The following PCDHGA3 variants were observed in gnomAD, a reference collection of about 807,000 sequenced individuals.
PCDHGA3 encodes protocadherin gamma-A3.
A neutral mutation model predicts 58.5 loss-of-function variants in PCDHGA3; 40 were observed. The observed-to-expected ratio is 0.68, with a 90% CI of 0.53 to 0.89. The LOEUF is 0.89. Among genes scored for constraint, PCDHGA3 ranks in the 40% least tolerant of loss-of-function variants. PCDHGA3 has a pLI of 0.00. For synonymous variants in PCDHGA3, 530 were observed against 525.7 expected (o/e 1.01, Z -0.11); for missense variants, 1,223 against 1,195.9 (o/e 1.02, Z -0.33).
At position 141,344,780 on chromosome 5, in the gene PCDHGA3, GA is replaced by G; in HGVS notation, c.748del (p.Ser250ValfsTer15). ...PMFTQPEYRVSVWENVPVGTR... is the reference protein window; with the variant it reads ...PMFTQPEYRVXVWENVPVGTR... ...TGTTTACTCAGCCTGAGTACCGTGT[GA>G]GTGTTTGGGAGAACGTGCCTGTGGG... On this transcript the variant is annotated frameshift_variant, in exon 1 of 4. Coordinates refer to ENST00000253812, the MANE Select transcript of PCDHGA3 (RefSeq NM_018916.4). LOFTEE classifies it high-confidence loss of function. 1.9e-6 allele frequency: 3 copies of G among 1,614,016 alleles called. No individual in the cohort carries two copies. Among genetic ancestry groups the G allele is most frequent in the Non-Finnish European group, 2.5e-6 (3 of 1,179,902 alleles).
At chr5:141,349,986 C>CT (rs1758385156) in intron 1 of PCDHGA3, 2 of 313,962 alleles carry the variant, frequency 6.4e-6, no homozygotes, top group East Asian at 5.2e-5. Context: ...AGAGGTTGCG[C>CT]TTTGAGGATA....
rs775081505 is a variant in PCDHGA3 at position 141,486,730 on chromosome 5, T to C, written c.2425-8077T>C. ...ACCCCCAGACAGGAGCTGTTCATGC[T>C]ACTCGATCCTTTGACTATGAGCAAA... On this transcript the variant is annotated intron_variant, in intron 1 of 3. Coordinates refer to ENST00000253812, the MANE Select transcript of PCDHGA3 (RefSeq NM_018916.4). This position sits in a 1 kb window ranked among gnomAD's most constrained non-coding sequence, Gnocchi z 5.0. 1 of 1,614,120 alleles carries C rather than the reference T, an allele frequency of 6.2e-7. No homozygotes were observed. Among genetic ancestry groups the C allele is most frequent in the Non-Finnish European group, 8.5e-7 (1 of 1,180,050 alleles).
At chr5:141,389,355 G>C in intron 1 of PCDHGA3, 2 of 1,613,950 alleles carry the variant, frequency 1.2e-6, no homozygotes, top group Non-Finnish European at 1.7e-6. Flanking sequence ...CTGCATCATG[G>C]CCAGTGACCT....
At chr5:141,346,874 C>T (rs922765948) in intron 1 of PCDHGA3, among the ~76,000 whole-genome samples, 1 of 152,174 alleles carries the variant, frequency 6.6e-6, no homozygotes, top group African/African-American at 2.4e-5. Context: ...GTTTGTCATT[C>T]CAACCTGTAT....
In PCDHGA3 at chr5:141,410,849, CTTTTTTT is replaced by C. The variant is rs759346998; in HGVS notation, c.2424+64408_2424+64414del. 8.7e-3 allele frequency: 1,205 copies of C among 138,184 alleles called. 49 individuals are homozygous for C. Among genetic ancestry groups the C allele is most frequent in the African/African-American group, 0.064 (1,073 of 16,650 alleles). 8.6% of individuals were successfully genotyped at this position (138,184 alleles called of 1,614,324 possible). ...CAGACTGAAGATATTTTGTCTTTGT[CTTTTTTT>C]TTTTTTTTTTTTTTTGAGATGGAGT... is the stretch of plus-strand genomic sequence containing the variant. On this transcript the variant is annotated intron_variant, in intron 1 of 3. Coordinates refer to ENST00000253812, the MANE Select transcript of PCDHGA3 (RefSeq NM_018916.4).
At chr5:141,414,338 G>C in intron 1 of PCDHGA3, 1 of 1,613,832 alleles carries the variant, frequency 6.2e-7, no homozygotes, top group Non-Finnish European at 8.5e-7. Context: ...CAGGTAACCT[G>C]TTCCATTTTG....
intron 1 of PCDHGA3, chr5:141,352,656 C>G (rs372258212): frequency 6.4e-5 from 102 of 1,597,586 alleles, no homozygotes; most frequent in Non-Finnish European, 8.3e-5. Context: ...TATGACCCTT[C>G]TTTGTCTTCG....
intron 1 of PCDHGA3, among the ~76,000 whole-genome samples, chr5:141,353,062 T>C (rs1005254102): frequency 6.6e-6 from 1 of 152,162 alleles, no homozygotes; most frequent in Non-Finnish European, 1.5e-5. Flanking sequence ...TTTCTTTCAT[T>C]GTTCTAGTGA....
chr5:141,428,436 A>G (rs922762798), intron 1 of PCDHGA3: 5 of 401,736 alleles, frequency 1.2e-5, no homozygotes, highest in Non-Finnish European at 2.3e-5. Flanking sequence ...CTAAGACTAG[A>G]CCAGGGGTTT....
chr5:141,492,359 C>A (rs1292383129), intron 1 of PCDHGA3, among the ~76,000 whole-genome samples: 3 of 152,336 alleles, frequency 2.0e-5, no homozygotes, highest in African/African-American at 7.2e-5. Flanking sequence ...GCCACTCGCT[C>A]GCGGCCAGAT....
intron 1 of PCDHGA3, chr5:141,413,903 C>T (rs1038159413): frequency 2.5e-6 from 4 of 1,613,308 alleles, no homozygotes; most frequent in Non-Finnish European, 3.4e-6. Flanking sequence ...AATGACAACG[C>T]GCCGGTCTTC....
intron 1 of PCDHGA3, chr5:141,427,965 C>T: frequency 6.3e-7 from 1 of 1,590,342 alleles, no homozygotes; most frequent in Non-Finnish European, 8.6e-7. Flanking sequence ...GCCGCGGGTG[C>T]TGTACCCCGC....
At chr5:141,385,158 T>C in intron 1 of PCDHGA3, 2 of 1,614,212 alleles carry the variant, frequency 1.2e-6, no homozygotes, top group African/African-American at 2.7e-5. Context: ...TGCAGACCTA[T>C]TCCCATGAGG....
intron 1 of PCDHGA3, chr5:141,360,390 T>C (rs1484817682): frequency 1.2e-6 from 2 of 1,613,882 alleles, no homozygotes; most frequent in Non-Finnish European, 1.7e-6. Flanking sequence ...GAGACTTACT[T>C]GTGAGTGACA....
intron 3 of PCDHGA3, among the ~76,000 whole-genome samples, chr5:141,506,116 A>T: frequency 6.6e-6 from 1 of 152,136 alleles, no homozygotes; most frequent in East Asian, 1.9e-4. Flanking sequence ...AAGAGTCACT[A>T]GGGCCCAGAG....
chr5:141,372,826 C>T lies in PCDHGA3; in HGVS notation c.2424+26369C>T, dbSNP rs376912168. 327 of 1,554,742 alleles carry T rather than the reference C, an allele frequency of 2.1e-4. 8 individuals are homozygous for T. The South Asian group carries it at 3.7e-3, about 18-fold the overall frequency. ...TTGCAAAAGGTGAGTTTCTTCAAAC[C>T]TTTCCTTCCATAAATATAATTGGGT... is the stretch of plus-strand genomic sequence containing the variant. On this transcript the variant is annotated intron_variant, in intron 1 of 3. Coordinates refer to ENST00000253812, the MANE Select transcript of PCDHGA3 (RefSeq NM_018916.4).
chr5:141,364,215 A>G, intron 1 of PCDHGA3: 1 of 1,300,530 alleles, frequency 7.7e-7, no homozygotes, highest in South Asian at 1.7e-5. Context: ...AGCTCCTACG[A>G]AAAGCCAACG....
rs532517723 is a variant in PCDHGA3, at chr5:141,486,244, A to G, written c.2425-8563A>G. The G allele has an allele frequency of 1.2e-5, 19 of 1,614,068 alleles. No homozygotes were observed. The Admixed American group carries it at 2.3e-4, about 20-fold the overall frequency. On this transcript the variant is annotated intron_variant, in intron 1 of 3. Coordinates refer to ENST00000253812, the MANE Select transcript of PCDHGA3 (RefSeq NM_018916.4). This position sits in a 1 kb window ranked among gnomAD's most constrained non-coding sequence, Gnocchi z 5.0. ...ACATCACAGTGACCTCAGAGCTTGGAACCCTCCCCGAGAGTGCAGAACCTG... is the reference window on the plus strand; with the variant it reads ...ACATCACAGTGACCTCAGAGCTTGGGACCCTCCCCGAGAGTGCAGAACCTG...
At chr5:141,437,032 C>T (rs2097859215) in intron 1 of PCDHGA3, among the ~76,000 whole-genome samples, 1 of 152,182 alleles carries the variant, frequency 6.6e-6, no homozygotes, top group Admixed American at 6.5e-5. Context: ...GAAAATGGAT[C>T]ACCGAAACCA....
Sources: gnomAD v4.1 joint callset for allele counts (sites outside exome capture counted in the v4.1 genomes callset) on GRCh38, gnomAD v4.1.1 for gene constraint, Gnocchi (gnomAD v3.1) non-coding constraint, MANE v1.5 for transcripts, NCBI Gene and HGNC (gene_info 2026-07-23, HGNC 2026-07-21) for gene names.